NRXN3: variants seen among roughly 807,000 people sequenced by gnomAD.
NRXN3 encodes neurexin 3, also known as neurexin III.
NRXN3 carries 32 observed loss-of-function variants against 137.6 expected under a neutral mutation model. The ratio of observed to expected loss-of-function variants is 0.23; its 90% CI spans 0.18 to 0.31. The LOEUF (loss-of-function observed/expected upper bound fraction) is 0.31. Ranked by LOEUF, NRXN3 falls within the 10% of genes least tolerant of loss-of-function variation. The pLI, the probability that NRXN3 is intolerant of heterozygous loss-of-function variation, is 1.00. For synonymous variants in NRXN3, 798 were observed against 784.5 expected (o/e 1.02, Z -0.29); for missense variants, 1,574 against 2,062.5 (o/e 0.76, Z 4.59).
At chr14:79,711,157 G>A (rs909772937) in intron 19 of NRXN3, among the ~76,000 whole-genome samples, 12 of 152,066 alleles carry the variant, frequency 7.9e-5, no homozygotes, top group Admixed American at 2.0e-4. Flanking sequence ...AACATATTTC[G>A]GTCCTGGAGA....
chr14:79,663,158 T>C (rs528053248), intron 16 of NRXN3, among the ~76,000 whole-genome samples: 1 of 152,240 alleles, frequency 6.6e-6, no homozygotes, highest in African/African-American at 2.4e-5. Flanking sequence ...ATGAAAATTC[T>C]AGGTGAGTTT....
intron 16 of NRXN3, among the ~76,000 whole-genome samples, chr14:79,613,428 A>G (rs889941028): frequency 1.3e-5 from 2 of 152,216 alleles, no homozygotes; most frequent in Non-Finnish European, 2.9e-5. Context: ...TCTCCTGTCT[A>G]TGATATCCCA....
At chr14:78,994,764 G>A (rs1398184604) in intron 15 of NRXN3, among the ~76,000 whole-genome samples, 2 of 152,168 alleles carry the variant, frequency 1.3e-5, no homozygotes, top group African/African-American at 4.8e-5. Context: ...CATAAGGAGT[G>A]TAATAGGTAC....
chr14:79,040,026 T>A (rs2099622598), intron 15 of NRXN3, among the ~76,000 whole-genome samples: 1 of 152,164 alleles, frequency 6.6e-6, no homozygotes, highest in African/African-American at 2.4e-5. Flanking sequence ...CTCAAATTAT[T>A]TGTCACTCAC....
chr14:78,964,981 A>G (rs985402065), intron 11 of NRXN3, among the ~76,000 whole-genome samples: 2 of 152,150 alleles, frequency 1.3e-5, no homozygotes, highest in African/African-American at 2.4e-5. Flanking sequence ...AAAAGCCGGG[A>G]GGTGCCTGGC....
chr14:79,603,250 G>A (rs1342751054), intron 16 of NRXN3, among the ~76,000 whole-genome samples: 1 of 152,116 alleles, frequency 6.6e-6, no homozygotes, highest in Non-Finnish European at 1.5e-5. Flanking sequence ...ATTGGCCAGA[G>A]GGAAAGGGAC....
chr14:79,221,591 A>T (rs2153233188), intron 15 of NRXN3, among the ~76,000 whole-genome samples: 1 of 152,148 alleles, frequency 6.6e-6, no homozygotes, highest in African/African-American at 2.4e-5. Flanking sequence ...CTACTTTGTG[A>T]TGGGGTTGTT....
chr14:79,113,607 T>G (rs2053906515), intron 15 of NRXN3, among the ~76,000 whole-genome samples: 1 of 152,210 alleles, frequency 6.6e-6, no homozygotes, highest in Non-Finnish European at 1.5e-5. Flanking sequence ...CTACCTCTAC[T>G]TCCTCACTGT....
chr14:79,429,770 A>C (rs116409702), intron 15 of NRXN3, among the ~76,000 whole-genome samples: 10 of 152,152 alleles, frequency 6.6e-5, no homozygotes, highest in Non-Finnish European at 1.5e-5. Flanking sequence ...CACTTTCCCT[A>C]CTTACAGTGA....
chr14:79,606,816 T>C (rs1027207861), intron 16 of NRXN3, among the ~76,000 whole-genome samples: 1 of 152,234 alleles, frequency 6.6e-6, no homozygotes, highest in African/African-American at 2.4e-5. Flanking sequence ...ACCACTGTTC[T>C]AGGCACAGCG....
At chr14:79,249,419 G>C (rs2075646837) in intron 15 of NRXN3, among the ~76,000 whole-genome samples, 1 of 152,102 alleles carries the variant, frequency 6.6e-6, no homozygotes, top group South Asian at 2.1e-4. Flanking sequence ...CTAATGAAGG[G>C]ATTTATTTCC....
In NRXN3 at chr14:78,651,289, C is replaced by G; in HGVS notation, c.1184C>G (p.Ser395Cys). 1 of 1,614,024 alleles carries G rather than the reference C, an allele frequency of 6.2e-7. No homozygotes were observed. The highest frequency in any genetic ancestry group is 8.5e-7 in the Non-Finnish European group (1 of 1,179,940). The stretch of plus-strand genomic sequence containing the variant: ...CCAAGTACCGCTGACTTGCCTGGCT[C>G]CCCTGTCAGCAACAACTTCATGGGC... ...GSPSTADLPGSPVSNNFMGCL... is the reference protein window; with the variant it reads ...GSPSTADLPGCPVSNNFMGCL... The change falls in exon 6 of 21, where the codon TCC becomes TGC. Residue 395 changes from serine (S) to cysteine (C), a missense_variant. By Grantham distance (112) the Ser-to-Cys change is moderately radical (BLOSUM62 -1). This residue lies in a region of NRXN3 where 400 missense variants were observed against 527.3 expected (regional missense o/e 0.76). Transcript: ENST00000335750.
chr14:78,191,915 G>A (rs575473890), intron 1 of NRXN3, among the ~76,000 whole-genome samples: 4 of 152,080 alleles, frequency 2.6e-5, no homozygotes, highest in African/African-American at 9.7e-5. Context: ...GCCCTGGTGA[G>A]GGGGGGAGGG....
intron 15 of NRXN3, chr14:79,314,080 AACAGCTCCGGTCT>A (rs1442006695): frequency 6.4e-6 from 1 of 156,022 alleles, no homozygotes; most frequent in Non-Finnish European, 1.4e-5. Context: ...GCCGAATAGG[AACAGCTCCGGTCT>A]ACAGCTCCCA....
intron 15 of NRXN3, among the ~76,000 whole-genome samples, chr14:79,070,851 A>G (rs2099686734): frequency 6.6e-6 from 1 of 152,170 alleles, no homozygotes. Flanking sequence ...ATTTACAAAG[A>G]TTTGCTTTCA....
intron 17 of NRXN3, among the ~76,000 whole-genome samples, chr14:79,686,153 G>A (rs2098693913): frequency 6.6e-6 from 1 of 151,970 alleles, no homozygotes; most frequent in African/African-American, 2.4e-5. Context: ...GCATGATGGT[G>A]CATGCCCATA....
At chr14:79,008,118 G>A (rs1380174833) in intron 15 of NRXN3, among the ~76,000 whole-genome samples, 5 of 152,062 alleles carry the variant, frequency 3.3e-5, no homozygotes, top group Non-Finnish European at 7.4e-5. Flanking sequence ...GGTATTTTGG[G>A]GGGGCTTAAG....
Position 78,968,103 on chromosome 14 carries a change from G to A in NRXN3, c.2969-70G>A, listed in dbSNP as rs1199265126. Reference sequence around the variant, plus strand: ...CCTTATCTGATGAATTATCTCAAGTGTATCAAACTAGTTGACATGGTCACC... The same window carrying A: ...CCTTATCTGATGAATTATCTCAAGTATATCAAACTAGTTGACATGGTCACC... On this transcript the variant is annotated intron_variant, in intron 13 of 20. Transcript: ENST00000335750. 7.3e-6 allele frequency: 4 copies of A among 546,692 alleles called. No individual in the cohort carries two copies. The East Asian group carries it at 2.4e-4, about 33-fold the overall frequency. 33.9% of individuals were successfully genotyped at this position (546,692 alleles called of 1,614,324 possible).
At chr14:78,976,560 C>T (rs892150661) in intron 14 of NRXN3, among the ~76,000 whole-genome samples, 3 of 152,258 alleles carry the variant, frequency 2.0e-5, no homozygotes, top group Non-Finnish European at 4.4e-5. Context: ...TATTGTCCTC[C>T]ACCTCATTTT....
Sources: gnomAD v4.1 joint callset for allele counts (sites outside exome capture counted in the v4.1 genomes callset) on GRCh38, gnomAD v4.1.1 for gene constraint, gnomAD v4.1.1 regional missense constraint, MANE v1.5 for transcripts, NCBI Gene and HGNC (gene_info 2026-07-23, HGNC 2026-07-21) for gene names.